Variants in GPC6 observed in about 807,000 individuals in gnomAD.
GPC6 encodes glypican 6, also known as glypican-6.
GPC6 carries 14 observed loss-of-function variants against 55.2 expected under a neutral mutation model. That is an observed-to-expected ratio of 0.25 (90% CI 0.17 to 0.40). The LOEUF is 0.40. Among genes scored for constraint, GPC6 ranks in the 10% least tolerant of loss-of-function variants. GPC6 has a pLI of 1.00. For synonymous variants in GPC6, 278 were observed against 259.6 expected, an observed-to-expected ratio of 1.07 and a Z score of -0.68; for missense variants, 641 against 708.5, an observed-to-expected ratio of 0.90 and a Z score of 1.08.
intron 3 of GPC6, among the ~76,000 whole-genome samples, chr13:93,909,026 T>C (rs1191095602): frequency 6.6e-6 from 1 of 152,200 alleles, no homozygotes; most frequent in Non-Finnish European, 1.5e-5. Flanking sequence ...ATTGTATATA[T>C]ATTTATTATC....
intron 3 of GPC6, among the ~76,000 whole-genome samples, chr13:93,916,714 G>A (rs1877312678): frequency 6.6e-6 from 1 of 151,394 alleles, no homozygotes; most frequent in African/African-American, 2.4e-5. Flanking sequence ...ATACGAAACT[G>A]TGTTGTTCTA....
rs144563563 is a variant in GPC6 at position 93,633,817 on chromosome 13, AT to A, written c.319+88401del. Among the ~76,000 whole-genome samples the A allele has an allele frequency of 1.5e-3, 232 of 152,208 alleles. 2 individuals carry two copies. Among genetic ancestry groups the A allele is most frequent in the African/African-American group, 5.2e-3 (214 of 41,540 alleles). On this transcript the variant is annotated intron_variant, in intron 2 of 8. Coordinates refer to ENST00000377047, the MANE Select transcript of GPC6 (RefSeq NM_005708.5). ...GAGGATTTTAAATTCTTGTTTTGAA[AT>A]TTTTGCAGGAGCTGCCACTGCTAAT...
At chr13:93,463,617 C>A (rs1007495101) in intron 1 of GPC6, among the ~76,000 whole-genome samples, 4 of 152,120 alleles carry the variant, frequency 2.6e-5, no homozygotes, top group Non-Finnish European at 5.9e-5. Flanking sequence ...CCACTGTGTA[C>A]CAATGTTGAA....
At chr13:94,140,112 A>G (rs1294090614) in intron 4 of GPC6, among the ~76,000 whole-genome samples, 1 of 151,776 alleles carries the variant, frequency 6.6e-6, no homozygotes, top group Non-Finnish European at 1.5e-5. Flanking sequence ...TTAAGAGTCT[A>G]TTATACCGAA....
At chr13:93,832,144 T>TATATATATATATATATATAC (rs1467780054) in intron 3 of GPC6, among the ~76,000 whole-genome samples, 1 of 100,784 alleles carries the variant, frequency 9.9e-6, no homozygotes, top group African/African-American at 4.0e-5. Context: ...TATATATATA[T>TATATATATATATATATATAC]AATGTCCTTA....
intron 1 of GPC6, among the ~76,000 whole-genome samples, chr13:93,496,467 C>T (rs1027719517): frequency 1.3e-4 from 20 of 152,308 alleles, no homozygotes; most frequent in South Asian, 2.1e-4. Flanking sequence ...AGAAATCACC[C>T]GTCTTCTGCG....
chr13:94,188,746 G>T (rs576315880), intron 4 of GPC6, among the ~76,000 whole-genome samples: 1 of 152,006 alleles, frequency 6.6e-6, no homozygotes, highest in East Asian at 1.9e-4. Flanking sequence ...ATCTGGAGAG[G>T]CACTTGCACC....
intron 2 of GPC6, among the ~76,000 whole-genome samples, chr13:93,781,160 C>G (rs1341871827): frequency 6.6e-6 from 1 of 151,692 alleles, no homozygotes; most frequent in East Asian, 1.9e-4. Context: ...CCTGTAGTCC[C>G]AACTACTCGA....
intron 4 of GPC6, among the ~76,000 whole-genome samples, chr13:94,077,456 C>T (rs1884957276): frequency 6.6e-6 from 1 of 151,590 alleles, no homozygotes; most frequent in South Asian, 2.1e-4. Context: ...CAATTGGAAG[C>T]CTTTTATTTT....
intron 1 of GPC6, among the ~76,000 whole-genome samples, chr13:93,342,211 G>A (rs1253478202): frequency 6.6e-6 from 1 of 152,056 alleles, no homozygotes; most frequent in Non-Finnish European, 1.5e-5. Context: ...AGGGACACAG[G>A]GTTAAACTGG....
intron 2 of GPC6, among the ~76,000 whole-genome samples, chr13:93,787,412 T>C (rs74558283): frequency 3.2e-4 from 48 of 152,322 alleles, no homozygotes; most frequent in African/African-American, 1.1e-3. Flanking sequence ...CAATAAAACC[T>C]TATTTATAAA....
At chr13:93,477,057 A>G (rs1485336605) in intron 1 of GPC6, among the ~76,000 whole-genome samples, 1 of 152,178 alleles carries the variant, frequency 6.6e-6, no homozygotes, top group Non-Finnish European at 1.5e-5. Flanking sequence ...TATTCTGAGG[A>G]AAGTTTTGAT....
intron 3 of GPC6, among the ~76,000 whole-genome samples, chr13:93,852,847 T>C (rs1294518525): frequency 6.6e-6 from 1 of 151,680 alleles, no homozygotes; most frequent in African/African-American, 2.4e-5. Context: ...CTCTCTCTTA[T>C]TGGCTAGTAT....
At chr13:93,999,677 C>T (rs1469571043) in intron 3 of GPC6, among the ~76,000 whole-genome samples, 4 of 152,000 alleles carry the variant, frequency 2.6e-5, no homozygotes, top group African/African-American at 9.7e-5. Flanking sequence ...ATTTTTTGTT[C>T]ATCAGTTGAT....
At chr13:94,030,028 A>C (rs991846401) in intron 4 of GPC6, among the ~76,000 whole-genome samples, 42 of 132,770 alleles carry the variant, frequency 3.2e-4, no homozygotes, top group African/African-American at 1.1e-3. Flanking sequence ...TTTGAGAGGG[A>C]GTCTTGCTCT....
chr13:93,455,597 C>G (rs1878420984), intron 1 of GPC6, among the ~76,000 whole-genome samples: 1 of 151,872 alleles, frequency 6.6e-6, no homozygotes, highest in African/African-American at 2.4e-5. Flanking sequence ...GAAAGAAAAC[C>G]CAAGATGGAG....
intron 2 of GPC6, among the ~76,000 whole-genome samples, chr13:93,751,831 A>G (rs1057312066): frequency 6.6e-6 from 1 of 152,030 alleles, no homozygotes; most frequent in African/African-American, 2.4e-5. Flanking sequence ...CTTTTAGTGG[A>G]AGGATTTCTC....
intron 2 of GPC6, among the ~76,000 whole-genome samples, chr13:93,594,322 C>T (rs189158646): frequency 7.9e-5 from 12 of 152,130 alleles, no homozygotes; most frequent in Admixed American, 5.2e-4. Context: ...CTCCTCCCAC[C>T]CTTTATTCTA....
intron 3 of GPC6, among the ~76,000 whole-genome samples, chr13:93,939,829 AGT>A (rs1198458603): frequency 6.6e-6 from 1 of 152,154 alleles, no homozygotes; most frequent in Non-Finnish European, 1.5e-5. Context: ...TATCCTGTTA[AGT>A]GTATTATATA....
Sources: gnomAD v4.1 joint callset for allele counts (sites outside exome capture counted in the v4.1 genomes callset) on GRCh38, gnomAD v4.1.1 for gene constraint, MANE v1.5 for transcripts, NCBI Gene and HGNC (gene_info 2026-07-23, HGNC 2026-07-21) for gene names.